Variants in B4GALNT2 observed in about 807,000 individuals in gnomAD.
B4GALNT2 encodes N-acetylneuraminylgalactosylglucosyl-glucoside beta-1,4-N- acetylgalactosaminyltransferase 2.
In B4GALNT2, 42 loss-of-function variants were observed where a neutral mutation model predicts 51.1. That is an observed-to-expected ratio of 0.82 (90% CI 0.64 to 1.06). B4GALNT2 has a LOEUF of 1.06. Ranked by LOEUF, B4GALNT2 falls within the 50% of genes least tolerant of loss-of-function variation. The pLI, the probability that B4GALNT2 is intolerant of heterozygous loss-of-function variation, is 0.00. For synonymous variants in B4GALNT2, 253 were observed against 251.7 expected (o/e 1.01, Z -0.05); for missense variants, 602 against 633.6 (o/e 0.95, Z 0.54).
the B4GALNT2 span, among the ~76,000 whole-genome samples, chr17:49,120,488 G>GAC: frequency 1.4e-5 from 1 of 69,726 alleles, no homozygotes; most frequent in Non-Finnish European, 3.1e-5. Context: ...GTGTGTCTGT[G>GAC]TGTGTGTGTG....
chr17:49,171,416 T>C lies in B4GALNT2; in HGVS notation c.*1688T>C, dbSNP rs2042956818. On this transcript the variant is annotated 3_prime_UTR_variant, in exon 11 of 11. Transcript: ENST00000393354. ...TCAAGTGTGCCTGGGATGCTTTAAA[T>C]ATTTGTTCTTTTAATTTTGCAATAT... 2.3e-6 allele frequency: 1 copy of C among 425,934 alleles called. No homozygotes were observed. The highest frequency in any genetic ancestry group is 2.1e-5 in the African/African-American group (1 of 47,988). The allele number at this position is 425,934 out of a possible 1,614,324, so 26.4% of individuals were successfully genotyped here. A position where few individuals can be genotyped will look rare whatever the true frequency, so the allele number is the denominator to read the frequency against.
At chr17:49,164,885 C>A (rs2042897354) in intron 8 of B4GALNT2, among the ~76,000 whole-genome samples, 1 of 152,128 alleles carries the variant, frequency 6.6e-6, no homozygotes, top group African/African-American at 2.4e-5. Context: ...TCACAGTGAT[C>A]ATGGCAGCCT....
chr17:49,142,077 G>T lies in B4GALNT2; in HGVS notation c.258G>T (p.Glu86Asp). The T allele has an allele frequency of 1.2e-6, 2 of 1,614,170 alleles. No individual in the cohort carries two copies. Among genetic ancestry groups the T allele is most frequent in the Non-Finnish European group, 1.7e-6 (2 of 1,180,034 alleles). The stretch of plus-strand genomic sequence containing the variant: ...AGTGCAAATGTGAAGCCAACAAAGA[G>T]CAGGGAGGTTACAACTTTCAGGATG... The part of the protein sequence containing the change: ...KNQCKCEANK[E>D]QGGYNFQDAY... Residue 86 changes from glutamate (E) to aspartate (D), a missense_variant, in exon 3 of 11, where the codon GAG becomes GAT. Glu to Asp is a conservative substitution (Grantham distance 45). Coordinates refer to ENST00000393354, the MANE Select transcript of B4GALNT2 (RefSeq NM_001159387.2).
chr17:49,133,133 G>A (rs1368870083), intron 1 of B4GALNT2: 9 of 1,526,532 alleles, frequency 5.9e-6, no homozygotes, highest in Non-Finnish European at 7.8e-6. Context: ...TCGGGAGTGC[G>A]GGCTTCGGGG....
Position 49,171,320 on chromosome 17 carries a change from C to T in B4GALNT2, c.*1592C>T, listed in dbSNP as rs1447368748. 5 of 381,248 alleles carry T rather than the reference C, an allele frequency of 1.3e-5. No homozygotes were observed. The highest frequency in any genetic ancestry group is 7.8e-5 in the South Asian group (4 of 51,448). The allele number at this position is 381,248 out of a possible 1,614,324, so 23.6% of individuals were successfully genotyped here. ...TCACAGAGCTTCCAAGTGTCTTTAT[C>T]CACTTTAATGGGTTAATATCTGCTA... On this transcript the variant is annotated 3_prime_UTR_variant, in exon 11 of 11. Transcript: ENST00000393354.
chr17:49,120,540 C>T, the B4GALNT2 span, among the ~76,000 whole-genome samples: 1 of 151,260 alleles, frequency 6.6e-6, no homozygotes, highest in East Asian at 1.9e-4. Flanking sequence ...CAGTCTTGCC[C>T]TATTGCCCAG....
At chr17:49,158,451 C>T (rs540465948) in intron 5 of B4GALNT2, among the ~76,000 whole-genome samples, 8 of 151,910 alleles carry the variant, frequency 5.3e-5, no homozygotes, top group South Asian at 2.1e-4. Flanking sequence ...CTGGCAAACA[C>T]GGCGAAAGCC....
chr17:49,154,048 G>A (rs568370055), intron 4 of B4GALNT2, among the ~76,000 whole-genome samples: 1 of 150,532 alleles, frequency 6.6e-6, no homozygotes, highest in Non-Finnish European at 1.5e-5. Context: ...CTGTCACCCA[G>A]GTTAGAGTGC....
upstream of B4GALNT2, among the ~76,000 whole-genome samples, chr17:49,128,044 G>A (rs2042519273): frequency 6.6e-6 from 1 of 152,114 alleles, no homozygotes; most frequent in South Asian, 2.1e-4. Flanking sequence ...ATTAAGCTGA[G>A]CACTCTTTTT....
upstream of B4GALNT2, chr17:49,132,452 G>T (rs1484905523): frequency 3.3e-6 from 1 of 304,424 alleles, no homozygotes; most frequent in East Asian, 5.1e-5. Context: ...ATGAGCTGCG[G>T]GTGGGTCAAG....
rs7220500 is a variant in B4GALNT2 at position 49,161,228 on chromosome 17, T to G, written c.766+587T>G. On this transcript the variant is annotated intron_variant, in intron 7 of 10. Transcript: ENST00000393354. ...AGGTGGAGGTTTCAGTGAGCCAAGA[T>G]TGCGCCACTGCACTCCAGCCTGGGC... Among the ~76,000 whole-genome samples, 634 of 151,102 alleles carry G rather than the reference T, an allele frequency of 4.2e-3. 2 individuals carry two copies. The highest frequency in any genetic ancestry group is 0.015 in the African/African-American group (600 of 41,082).
intron 3 of B4GALNT2, among the ~76,000 whole-genome samples, chr17:49,150,200 G>C (rs1423296724): frequency 7.4e-6 from 1 of 135,574 alleles, no homozygotes; most frequent in Non-Finnish European, 1.6e-5. Flanking sequence ...AGGGAGGTGG[G>C]GGGGTCAGCC....
chr17:49,147,378 C>CT (rs749384820), intron 3 of B4GALNT2, among the ~76,000 whole-genome samples: 2,390 of 104,774 alleles, frequency 0.023, 38 homozygotes, highest in East Asian at 0.096. Flanking sequence ...TTCTTTCTTT[C>CT]TTTTTTTTTT....
intron 1 of B4GALNT2, among the ~76,000 whole-genome samples, chr17:49,139,245 G>GT (rs143419564): frequency 0.11 from 16,780 of 147,760 alleles, 1,005 homozygotes; most frequent in Middle Eastern, 0.19. Flanking sequence ...GGGCGTTTTT[G>GT]TTTTTTTTTT....
At chr17:49,147,966 TTATA>T (rs140831657) in intron 3 of B4GALNT2, among the ~76,000 whole-genome samples, 36,340 of 147,626 alleles carry the variant, frequency 0.25, 4,619 homozygotes, top group East Asian at 0.46. Flanking sequence ...TTTTATTCAA[TTATA>T]TATATATATA....
At chr17:49,137,621 T>C (rs957396879) in intron 1 of B4GALNT2, among the ~76,000 whole-genome samples, 5 of 152,206 alleles carry the variant, frequency 3.3e-5, no homozygotes, top group Admixed American at 2.6e-4. Context: ...TAACAGAGCA[T>C]TGTTTCCTTT....
chr17:49,154,038 C>CTT (rs66460318), intron 4 of B4GALNT2, among the ~76,000 whole-genome samples: 2 of 101,336 alleles, frequency 2.0e-5, no homozygotes, highest in African/African-American at 4.9e-5. Flanking sequence ...CGGAGTCTTG[C>CTT]TGTCACCCAG....
intron 6 of B4GALNT2, 117 bp downstream of exon 6, chr17:49,159,334 G>GTTTGT (rs139717167): frequency 0.37 from 360,162 of 978,236 alleles, 80,460 homozygotes; most frequent in East Asian, 0.77. Flanking sequence ...GTGTGTGTTT[G>GTTTGT]TTTGTTTTGT....
intron 9 of B4GALNT2, among the ~76,000 whole-genome samples, chr17:49,166,736 G>A (rs1394091745): frequency 1.3e-5 from 2 of 152,202 alleles, no homozygotes; most frequent in Non-Finnish European, 2.9e-5. Context: ...GGAGGCTGAA[G>A]CAGGAGGATC....
Sources: gnomAD v4.1 joint callset for allele counts (sites outside exome capture counted in the v4.1 genomes callset) on GRCh38, gnomAD v4.1.1 for gene constraint, MANE v1.5 for transcripts, NCBI Gene and HGNC (gene_info 2026-07-23, HGNC 2026-07-21) for gene names.